The following HRH1 variants were observed in gnomAD, a reference collection of about 807,000 sequenced individuals.
HRH1 encodes the protein histamine receptor H1, also known as histamine H1 receptor.
In HRH1, 6 loss-of-function variants were observed where a neutral mutation model predicts 10.3. The observed-to-expected ratio is 0.58, with a 90% CI of 0.32 to 1.15. HRH1 has a LOEUF of 1.15. Ranked by LOEUF, HRH1 falls within the 50% of genes most tolerant of loss-of-function variation. The pLI, the probability that HRH1 is intolerant of heterozygous loss-of-function variation, is 0.05. For synonymous variants in HRH1, 242 were observed against 236.7 expected, an observed-to-expected ratio of 1.02 and a Z score of -0.21; for missense variants, 514 against 615.3, an observed-to-expected ratio of 0.84 and a Z score of 1.74.
intron 1 of HRH1, among the ~76,000 whole-genome samples, chr3:11,209,925 C>A (rs1938267079): frequency 6.6e-6 from 1 of 152,156 alleles, no homozygotes; most frequent in Non-Finnish European, 1.5e-5. Context: ...GCATTAGGGA[C>A]CTTGTCTTGC....
intron 1 of HRH1, among the ~76,000 whole-genome samples, chr3:11,248,655 C>G (rs377523259): frequency 6.6e-6 from 1 of 152,238 alleles, no homozygotes; most frequent in East Asian, 1.9e-4. Context: ...GGTTTCACTG[C>G]ACCCTGTTAG....
chr3:11,234,640 A>G (rs1939128347), intron 1 of HRH1: 2 of 1,374,074 alleles, frequency 1.5e-6, no homozygotes, highest in Admixed American at 1.7e-5. Context: ...TTTGGTTATA[A>G]ATATGATTCG....
intron 1 of HRH1, among the ~76,000 whole-genome samples, chr3:11,202,545 G>T (rs1307150579): frequency 6.6e-6 from 1 of 152,010 alleles, no homozygotes; most frequent in East Asian, 1.9e-4. Flanking sequence ...TTGACCTCCT[G>T]GCCCCCACCC....
At chr3:11,194,459 T>A (rs1233859974) in intron 1 of HRH1, among the ~76,000 whole-genome samples, 1 of 152,206 alleles carries the variant, frequency 6.6e-6, no homozygotes, top group Non-Finnish European at 1.5e-5. Context: ...CCACGCTTCA[T>A]CTCAATGTTA....
intron 1 of HRH1, among the ~76,000 whole-genome samples, chr3:11,220,916 C>A (rs1938689955): frequency 1.3e-5 from 2 of 152,104 alleles, no homozygotes; most frequent in Non-Finnish European, 2.9e-5. Context: ...TATTCAGAAT[C>A]CTGCTTCCCC....
intron 1 of HRH1, among the ~76,000 whole-genome samples, chr3:11,188,927 G>C: frequency 6.6e-6 from 1 of 152,238 alleles, no homozygotes; most frequent in East Asian, 1.9e-4. Flanking sequence ...AGTGCTTCCT[G>C]AAGACAGGAG....
chr3:11,229,472 C>G (rs1181384703), intron 1 of HRH1, among the ~76,000 whole-genome samples: 1 of 152,108 alleles, frequency 6.6e-6, no homozygotes, highest in Non-Finnish European at 1.5e-5. Flanking sequence ...GTGGTGTTTA[C>G]CACATCTTGG....
intron 1 of HRH1, among the ~76,000 whole-genome samples, chr3:11,201,896 C>T (rs141062442): frequency 8.0e-4 from 122 of 152,282 alleles, no homozygotes; most frequent in African/African-American, 2.8e-3. Context: ...CCGCCCAGGC[C>T]TGTGGCAGTG....
At chr3:11,196,953 C>CAAAAAAAAAAAAAAAAA (rs35134148) in intron 1 of HRH1, among the ~76,000 whole-genome samples, 1 of 110,470 alleles carries the variant, frequency 9.1e-6, no homozygotes, top group Non-Finnish European at 1.8e-5. Context: ...ACTAAAAATA[C>CAAAAAAAAAAAAAAAAA]AAAAAAAAAA....
intron 1 of HRH1, among the ~76,000 whole-genome samples, chr3:11,198,542 G>C (rs1450728986): frequency 2.0e-5 from 3 of 152,056 alleles, no homozygotes; most frequent in Admixed American, 6.6e-5. Flanking sequence ...GCCATTCTCT[G>C]AGATGGAAAA....
chr3:11,205,718 G>A (rs1938096715), intron 1 of HRH1, among the ~76,000 whole-genome samples: 1 of 150,620 alleles, frequency 6.6e-6, no homozygotes, highest in Non-Finnish European at 1.5e-5. Context: ...CTGGAGTGCA[G>A]CGGCACTATC....
intron 1 of HRH1, among the ~76,000 whole-genome samples, chr3:11,218,606 T>C (rs1485750707): frequency 6.6e-6 from 1 of 152,160 alleles, no homozygotes; most frequent in African/African-American, 2.4e-5. Context: ...GATGGAGGCT[T>C]GCTCTGTCGC....
intron 1 of HRH1, among the ~76,000 whole-genome samples, chr3:11,242,417 G>A (rs1314448582): frequency 7.2e-6 from 1 of 139,692 alleles, no homozygotes; most frequent in Non-Finnish European, 1.5e-5. Context: ...GGAAGGCAGA[G>A]CTTGCAGTAG....
At chr3:11,160,107 C>G (rs1421884396) in intron 1 of HRH1, among the ~76,000 whole-genome samples, 1 of 152,204 alleles carries the variant, frequency 6.6e-6, no homozygotes, top group Non-Finnish European at 1.5e-5. Context: ...TTGTTACTTC[C>G]TGGTGGCCAC....
chr3:11,220,254 T>C lies in HRH1; in HGVS notation c.-35-38749T>C, dbSNP rs149251992. Among the ~76,000 whole-genome samples the C allele has an allele frequency of 6.6e-5, 10 of 152,316 alleles. No homozygotes were observed. In the East Asian group the frequency reaches 1.2e-3, roughly 18 times the overall value. On this transcript the variant is annotated intron_variant, in intron 1 of 1. Coordinates refer to ENST00000431010, the MANE Select transcript of HRH1 (RefSeq NM_001098212.2). ...GTTAGTTGTTTCGTTCCAAAAAGAA[T>C]TGGACCTGGGTCTAAGAAACCCCAA...
At chr3:11,172,712 T>C (rs1412916922) in intron 1 of HRH1, among the ~76,000 whole-genome samples, 1 of 149,542 alleles carries the variant, frequency 6.7e-6, no homozygotes, top group Non-Finnish European at 1.5e-5. Context: ...ATCTTTTTTT[T>C]TTTTTTTTGA....
intron 1 of HRH1, among the ~76,000 whole-genome samples, chr3:11,253,878 CT>C (rs530724503): frequency 5.8e-4 from 88 of 152,256 alleles, no homozygotes; most frequent in Non-Finnish European, 9.9e-4. Flanking sequence ...TCGATCTGAT[CT>C]GCCACTCCAT....
intron 1 of HRH1, among the ~76,000 whole-genome samples, chr3:11,205,538 A>G (rs1938087549): frequency 6.6e-6 from 1 of 152,180 alleles, no homozygotes; most frequent in East Asian, 1.9e-4. Context: ...CTGAAATTGA[A>G]TTATGCATGG....
intron 1 of HRH1, among the ~76,000 whole-genome samples, chr3:11,220,288 G>A (rs1384583621): frequency 6.6e-6 from 1 of 152,178 alleles, no homozygotes; most frequent in Non-Finnish European, 1.5e-5. Flanking sequence ...AAGTGCCACT[G>A]TCAGCTCCAA....
Sources: allele counts gnomAD v4.1 joint callset (sites outside exome capture counted in the v4.1 genomes callset), GRCh38; gene constraint gnomAD v4.1.1; transcripts MANE v1.5; gene names NCBI Gene and HGNC (gene_info 2026-07-23, HGNC 2026-07-21).